The following TNFSF11 variants were observed in gnomAD, a reference collection of about 807,000 sequenced individuals.
TNFSF11 encodes the protein tumor necrosis factor ligand superfamily member 11.
A neutral mutation model predicts 32.2 loss-of-function variants in TNFSF11; 12 were observed. The ratio of observed to expected loss-of-function variants is 0.37; its 90% CI spans 0.24 to 0.60. TNFSF11 has a LOEUF of 0.60. TNFSF11 is among the 20% of genes least tolerant of loss of function. The pLI, the probability that TNFSF11 is intolerant of heterozygous loss-of-function variation, is 0.66. For synonymous variants in TNFSF11, 172 were observed against 152.1 expected (o/e 1.13, Z -0.96); for missense variants, 345 against 398.0 (o/e 0.87, Z 1.13).
intron 1 of TNFSF11, among the ~76,000 whole-genome samples, chr13:42,579,798 A>T (rs546261547): frequency 8.9e-5 from 13 of 145,894 alleles, no homozygotes; most frequent in Non-Finnish European, 1.6e-4. Context: ...AATTATTCTA[A>T]AGAATATAGG....
intron 2 of TNFSF11, 129 bp from the exon 3 acceptor site, chr13:42,600,623 C>A: frequency 2.0e-6 from 2 of 1,007,434 alleles, no homozygotes; most frequent in Non-Finnish European, 2.9e-6. Flanking sequence ...AATTTCACTG[C>A]CAATGTTACT....
At chr13:42,566,920 G>T (rs1218988824) in intron 2 of TNFSF11, among the ~76,000 whole-genome samples, 1 of 152,020 alleles carries the variant, frequency 6.6e-6, no homozygotes, top group Non-Finnish European at 1.5e-5. Context: ...TTGAACCGGG[G>T]GGCAGAGGTT....
rs71202227 is a variant in TNFSF11, at chr13:42,583,444, G to GAAAAAA, written c.387+2153_387+2154insAAAAAA. Among the ~76,000 whole-genome samples the GAAAAAA allele has an allele frequency of 1.4e-3, 132 of 95,564 alleles. 1 individual carries two copies. The highest frequency in any genetic ancestry group is 0.011 in the South Asian group (29 of 2,580). 62.7% of individuals were successfully genotyped at this position (95,564 alleles called of 152,430 possible). On this transcript the variant is annotated intron_variant, in intron 2 of 4. Transcript: ENST00000398795. ...AAAAAAAAAAAAAAAAAAAAGAAAGGAAGAAAGGAAGGAAGGAAAAAGATT... is the reference window on the plus strand; with the variant it reads ...AAAAAAAAAAAAAAAAAAAAGAAAGGAAAAAAAAGAAAGGAAGGAAGGAAAAAGATT...
intron 2 of TNFSF11, among the ~76,000 whole-genome samples, chr13:42,587,402 G>A (rs1873949406): frequency 6.6e-6 from 1 of 152,232 alleles, no homozygotes; most frequent in Non-Finnish European, 1.5e-5. Context: ...AGGGGACAAT[G>A]AGCAGTCTCT....
intron 1 of TNFSF11, among the ~76,000 whole-genome samples, chr13:42,564,091 T>C (rs776004253): frequency 5.3e-5 from 8 of 152,204 alleles, no homozygotes; most frequent in Non-Finnish European, 5.9e-5. Flanking sequence ...TTTTTTATTA[T>C]CCAGTCTGTT....
intron 2 of TNFSF11, among the ~76,000 whole-genome samples, chr13:42,591,026 T>C (rs1868442830): frequency 6.6e-6 from 1 of 152,190 alleles, no homozygotes; most frequent in Non-Finnish European, 1.5e-5. Flanking sequence ...GTGACTGTAT[T>C]TGGGGTTTGG....
chr13:42,570,854 T>A (rs1044423961), upstream of TNFSF11, among the ~76,000 whole-genome samples: 3 of 152,162 alleles, frequency 2.0e-5, no homozygotes, highest in Non-Finnish European at 4.4e-5. Flanking sequence ...CTCCCCACAT[T>A]TGCATTGTAC....
chr13:42,591,476 G>T (rs1277837023), intron 2 of TNFSF11, among the ~76,000 whole-genome samples: 1 of 152,008 alleles, frequency 6.6e-6, no homozygotes, highest in Non-Finnish European at 1.5e-5. Flanking sequence ...GTCTTATAGG[G>T]CTCTGCTCTA....
chr13:42,597,570 G>A (rs1868889552), intron 2 of TNFSF11, among the ~76,000 whole-genome samples: 2 of 152,206 alleles, frequency 1.3e-5, no homozygotes, highest in Admixed American at 6.5e-5. Flanking sequence ...TGGATATCAA[G>A]CTCCCAGAAA....
chr13:42,577,575 T>C (rs989615681), intron 1 of TNFSF11, among the ~76,000 whole-genome samples: 2 of 152,226 alleles, frequency 1.3e-5, no homozygotes, highest in Non-Finnish European at 2.9e-5. Flanking sequence ...AACATCCATA[T>C]AACCATATTC....
chr13:42,601,003 C>G, intron 4 of TNFSF11, 22 bp downstream of exon 4: 2 of 1,611,544 alleles, frequency 1.2e-6, no homozygotes, highest in South Asian at 2.2e-5. Flanking sequence ...CTGCATCCAG[C>G]CTGAAAAATA....
At chr13:42,575,594 T>G (rs1873271807) in intron 1 of TNFSF11, among the ~76,000 whole-genome samples, 2 of 152,220 alleles carry the variant, frequency 1.3e-5, no homozygotes, top group South Asian at 4.1e-4. Flanking sequence ...TTGTATGGTT[T>G]TTTGACATGT....
chr13:42,593,046 T>C (rs973990772), intron 2 of TNFSF11, among the ~76,000 whole-genome samples: 11 of 152,178 alleles, frequency 7.2e-5, no homozygotes, highest in African/African-American at 2.7e-4. Flanking sequence ...TAATACAGGC[T>C]GGGACTGAAA....
chr13:42,599,346 T>TGTC (rs1566387300), intron 2 of TNFSF11, among the ~76,000 whole-genome samples: 1 of 93,808 alleles, frequency 1.1e-5, no homozygotes, highest in South Asian at 4.2e-4. Context: ...TCTATCTATC[T>TGTC]ATCATCTATC....
chr13:42,599,955 C>T (rs758039022), intron 2 of TNFSF11, among the ~76,000 whole-genome samples: 3 of 152,138 alleles, frequency 2.0e-5, no homozygotes, highest in East Asian at 3.8e-4. Context: ...TAATATCCTC[C>T]GTTTATGCAG....
At chr13:42,571,098 G>A (rs1300726954), upstream of TNFSF11, among the ~76,000 whole-genome samples, 1 of 152,168 alleles carries the variant, frequency 6.6e-6, no homozygotes, top group Non-Finnish European at 1.5e-5. Context: ...TATCTGTAGA[G>A]TAAATGAAGA....
At chr13:42,595,059 A>T (rs147067140) in intron 2 of TNFSF11, among the ~76,000 whole-genome samples, 3 of 152,310 alleles carry the variant, frequency 2.0e-5, no homozygotes, top group East Asian at 1.9e-4. Context: ...AGAAGATTTT[A>T]AAAAAATATT....
intron 4 of TNFSF11, among the ~76,000 whole-genome samples, chr13:42,604,769 C>CT (rs546573045): frequency 8.6e-5 from 13 of 151,818 alleles, no homozygotes; most frequent in Non-Finnish European, 1.6e-4. Context: ...TGTGTGTTTC[C>CT]TTTTTTTTGT....
At chr13:42,564,548 C>T (rs1004980944) in intron 1 of TNFSF11, among the ~76,000 whole-genome samples, 6 of 149,202 alleles carry the variant, frequency 4.0e-5, no homozygotes, top group Non-Finnish European at 7.4e-5. Context: ...GCCTGGGCAA[C>T]AAGAATGAAA....
Sources: gnomAD v4.1 joint callset for allele counts (sites outside exome capture counted in the v4.1 genomes callset) on GRCh38, gnomAD v4.1.1 for gene constraint, MANE v1.5 for transcripts, NCBI Gene and HGNC (gene_info 2026-07-23, HGNC 2026-07-21) for gene names.